The following PSD3 variants were observed in gnomAD, a reference collection of about 807,000 sequenced individuals.
The protein encoded by PSD3 is PH and SEC7 domain-containing protein 3.
Under a neutral mutation model 105.5 loss-of-function variants are expected in PSD3, and 49 were observed. The observed-to-expected ratio is 0.46, with a 90% confidence interval of 0.37 to 0.59. The LOEUF (loss-of-function observed/expected upper bound fraction) is 0.59. Ranked by LOEUF, PSD3 falls within the 20% of genes least tolerant of loss-of-function variation. PSD3 has a pLI of 0.00. For missense variants in PSD3, 1,561 were observed against 1,263.8 expected (o/e 1.24, Z -3.57); for synonymous variants, 557 against 457.8 (o/e 1.22, Z -2.77).
intron 4 of PSD3, among the ~76,000 whole-genome samples, chr8:18,814,816 C>T (rs964885947): frequency 1.3e-5 from 2 of 152,098 alleles, no homozygotes; most frequent in Non-Finnish European, 2.9e-5. Flanking sequence ...TCTTAAGATG[C>T]CATTGGACAT....
intron 4 of PSD3, among the ~76,000 whole-genome samples, chr8:18,820,841 C>A (rs28535299): frequency 0.012 from 1,745 of 146,988 alleles, 39 homozygotes; most frequent in African/African-American, 0.042. Flanking sequence ...GCAGCCTCAG[C>A]CTCCTGGGCA....
intron 2 of PSD3, among the ~76,000 whole-genome samples, chr8:18,918,513 C>A (rs141123076): frequency 6.6e-4 from 101 of 152,314 alleles, no homozygotes; most frequent in Middle Eastern, 6.8e-3. Context: ...TCTAGCCCAG[C>A]AACTACAGGT....
intron 1 of PSD3, among the ~76,000 whole-genome samples, chr8:19,064,859 T>A (rs1036324453): frequency 2.0e-5 from 3 of 152,210 alleles, no homozygotes; most frequent in Admixed American, 6.5e-5. Context: ...TAGCTTGAAG[T>A]AAAGCAGTGA....
In PSD3 at chr8:18,739,417, T is replaced by A. The variant is rs539710865; in HGVS notation, c.2172+26032A>T. 2.3e-4 allele frequency among the ~76,000 whole-genome samples: 35 copies of A among 152,272 alleles called. No individual in the cohort carries two copies. In the South Asian group the frequency reaches 7.2e-3, roughly 32 times the overall value. ...GGGCAAACCTGGAAAACAACACATG[T>A]AAATACAGTGCCTTTGTCTGGACTC... On this transcript the variant is annotated intron_variant, in intron 9 of 15. Transcript: ENST00000327040.
intron 1 of PSD3, among the ~76,000 whole-genome samples, chr8:18,992,052 AAT>A (rs1825834716): frequency 6.6e-6 from 1 of 152,210 alleles, no homozygotes; most frequent in African/African-American, 2.4e-5. Context: ...AGGTCGGTCA[AAT>A]TCCATCATGA....
chr8:18,865,375 A>C (rs1408622676), intron 4 of PSD3: 3 of 148,386 alleles, frequency 2.0e-5, no homozygotes, highest in Non-Finnish European at 4.5e-5. Flanking sequence ...ATAGTAACAC[A>C]ATTCTTCTTT....
chr8:18,966,464 G>C (rs374661388), intron 1 of PSD3, among the ~76,000 whole-genome samples: 1 of 151,776 alleles, frequency 6.6e-6, no homozygotes. Flanking sequence ...CCAACTACTC[G>C]CAAGGCTGAG....
chr8:18,935,247 T>C (rs899196913), intron 2 of PSD3, among the ~76,000 whole-genome samples: 8 of 152,206 alleles, frequency 5.3e-5, no homozygotes, highest in African/African-American at 9.6e-5. Flanking sequence ...GAAGACTAAA[T>C]TTGATAACTA....
At chr8:18,675,477 TG>T (rs1186976912) in intron 9 of PSD3, among the ~76,000 whole-genome samples, 1 of 152,108 alleles carries the variant, frequency 6.6e-6, no homozygotes, top group Admixed American at 6.5e-5. Flanking sequence ...TCCAGTGCCT[TG>T]GGGGGCATTT....
chr8:18,998,566 A>G (rs1014964834), intron 1 of PSD3, among the ~76,000 whole-genome samples: 1 of 152,006 alleles, frequency 6.6e-6, no homozygotes, highest in African/African-American at 2.4e-5. Flanking sequence ...ATGCACCTGT[A>G]GTCCCAGCTA....
At chr8:19,074,303 TG>T (rs1218569064) in intron 1 of PSD3, among the ~76,000 whole-genome samples, 1 of 151,986 alleles carries the variant, frequency 6.6e-6, no homozygotes, top group Non-Finnish European at 1.5e-5. Context: ...CTTATTCAGT[TG>T]CCATCACTGC....
intron 4 of PSD3, among the ~76,000 whole-genome samples, chr8:18,823,467 T>C (rs1812914155): frequency 6.6e-6 from 1 of 152,174 alleles, no homozygotes; most frequent in South Asian, 2.1e-4. Context: ...CTCCCCTTTA[T>C]TCACTAGAGG....
At chr8:18,564,548 G>C (rs1449790291) in intron 14 of PSD3, among the ~76,000 whole-genome samples, 1 of 151,274 alleles carries the variant, frequency 6.6e-6, no homozygotes, top group Non-Finnish European at 1.5e-5. Flanking sequence ...ACAATCACTT[G>C]AACCTGGGAG....
intron 9 of PSD3, among the ~76,000 whole-genome samples, chr8:18,737,875 T>C (rs185341996): frequency 2.6e-5 from 4 of 152,292 alleles, no homozygotes; most frequent in South Asian, 4.1e-4. Flanking sequence ...TGATTTCCTA[T>C]TGTTTTTGCA....
Position 19,004,310 on chromosome 8 carries a change from CTCCA to C in PSD3, c.21+9249_21+9252del, listed in dbSNP as rs568892968. 7.9e-5 allele frequency among the ~76,000 whole-genome samples: 12 copies of C among 152,156 alleles called. No homozygotes were observed. The East Asian group carries it at 1.9e-3, about 24-fold the overall frequency. On this transcript the variant is annotated intron_variant, in intron 1 of 15. Coordinates refer to ENST00000327040, the MANE Select transcript of PSD3 (RefSeq NM_015310.4). ...CAAATAGCTCAGGCAAAGGTTAAAT[CTCCA>C]TCCTTCTTCCAACCAGATATTTAAA... is the stretch of plus-strand genomic sequence containing the variant.
chr8:19,024,317 C>A (rs1294198921), intron 1 of PSD3, among the ~76,000 whole-genome samples: 1 of 152,044 alleles, frequency 6.6e-6, no homozygotes, highest in East Asian at 1.9e-4. Context: ...GTAAAAGTAC[C>A]CTGGAATGTC....
At chr8:18,980,179 T>A (rs1459794566) in intron 1 of PSD3, among the ~76,000 whole-genome samples, 36 of 152,228 alleles carry the variant, frequency 2.4e-4, no homozygotes, top group African/African-American at 8.4e-4. Context: ...GGTATGTGAG[T>A]GAGACTCCAC....
At chr8:18,668,749 T>C (rs1799621227) in intron 9 of PSD3, among the ~76,000 whole-genome samples, 1 of 152,214 alleles carries the variant, frequency 6.6e-6, no homozygotes, top group African/African-American at 2.4e-5. Context: ...ATTATGTGTA[T>C]TGTTCACATA....
chr8:18,703,815 C>A (rs1801729858), intron 9 of PSD3, among the ~76,000 whole-genome samples: 1 of 152,076 alleles, frequency 6.6e-6, no homozygotes, highest in Admixed American at 6.6e-5. Context: ...GAAATGGATA[C>A]AGCTGAATCT....
Sources: allele counts gnomAD v4.1 joint callset (sites outside exome capture counted in the v4.1 genomes callset), GRCh38; gene constraint gnomAD v4.1.1; transcripts MANE v1.5; gene names NCBI Gene and HGNC (gene_info 2026-07-23, HGNC 2026-07-21).